The following KCND2 variants were observed in gnomAD, a reference collection of about 807,000 sequenced individuals.
KCND2 encodes A-type voltage-gated potassium channel KCND2.
In KCND2, 16 loss-of-function variants were observed where a neutral mutation model predicts 54.4. The ratio of observed to expected loss-of-function variants is 0.29; its 90% CI spans 0.20 to 0.45. The LOEUF is 0.45. Ranked by LOEUF, KCND2 falls within the 20% of genes least tolerant of loss-of-function variation. KCND2 has a pLI of 1.00. For missense variants in KCND2, 486 were observed against 824.2 expected, an observed-to-expected ratio of 0.59 and a Z score of 5.02; for synonymous variants, 317 against 310.7, an observed-to-expected ratio of 1.02 and a Z score of -0.21.
intron 1 of KCND2, among the ~76,000 whole-genome samples, chr7:120,654,483 C>T (rs1377086861): frequency 2.0e-5 from 3 of 152,156 alleles, no homozygotes; most frequent in South Asian, 4.1e-4. Flanking sequence ...GGAATGCATT[C>T]TGCAGACATA....
intron 1 of KCND2, among the ~76,000 whole-genome samples, chr7:120,473,158 T>C (rs1802483848): frequency 6.6e-6 from 1 of 152,144 alleles, no homozygotes; most frequent in African/African-American, 2.4e-5. Context: ...AAACCATGGT[T>C]CTGCGGGGCA....
chr7:120,353,367 G>T (rs1435925715), intron 1 of KCND2, among the ~76,000 whole-genome samples: 1 of 151,832 alleles, frequency 6.6e-6, no homozygotes, highest in African/African-American at 2.4e-5. Flanking sequence ...TGAGTTATAG[G>T]GAAGTTTGTT....
At chr7:120,420,572 T>C (rs1801597191) in intron 1 of KCND2, among the ~76,000 whole-genome samples, 2 of 152,066 alleles carry the variant, frequency 1.3e-5, no homozygotes, top group African/African-American at 2.4e-5. Flanking sequence ...TGCTTACTTG[T>C]CAAGAACAGT....
intron 1 of KCND2, among the ~76,000 whole-genome samples, chr7:120,684,885 C>G (rs1289735294): frequency 6.6e-6 from 1 of 152,154 alleles, no homozygotes; most frequent in African/African-American, 2.4e-5. Flanking sequence ...GTCTGATAAT[C>G]TGTCACTGTC....
chr7:120,321,930 G>T (rs567147797), intron 1 of KCND2, among the ~76,000 whole-genome samples: 1 of 152,150 alleles, frequency 6.6e-6, no homozygotes, highest in South Asian at 2.1e-4. Flanking sequence ...TCCAAGTGCA[G>T]TATGGAAGCT....
rs180916466 is a variant in KCND2 at position 120,528,995 on chromosome 7, C to T, written c.1116-203908C>T. Among the ~76,000 whole-genome samples, 3 of 152,272 alleles carry T rather than the reference C, an allele frequency of 2.0e-5. No homozygotes were observed. In the East Asian group the frequency reaches 5.8e-4, roughly 29 times the overall value. On this transcript the variant is annotated intron_variant, in intron 1 of 5. Coordinates refer to ENST00000331113, the MANE Select transcript of KCND2 (RefSeq NM_012281.3). ...AAAAGTATATCTTATGAATTGATGTCTCTTAAAAAATATTTGGACAAATTC... is the reference window on the plus strand; with the variant it reads ...AAAAGTATATCTTATGAATTGATGTTTCTTAAAAAATATTTGGACAAATTC...
At chr7:120,396,912 T>C (rs1300324000) in intron 1 of KCND2, among the ~76,000 whole-genome samples, 3 of 152,102 alleles carry the variant, frequency 2.0e-5, no homozygotes, top group Non-Finnish European at 2.9e-5. Context: ...TCTTATTTTA[T>C]CAGTATTTAA....
intron 1 of KCND2, among the ~76,000 whole-genome samples, chr7:120,491,095 A>G (rs1013483743): frequency 1.3e-5 from 2 of 152,278 alleles, no homozygotes; most frequent in South Asian, 4.1e-4. Context: ...GGAGCATTCA[A>G]TTGTACCCAA....
chr7:120,565,402 A>G (rs1330330025), intron 1 of KCND2, among the ~76,000 whole-genome samples: 1 of 152,220 alleles, frequency 6.6e-6, no homozygotes. Context: ...AGGGAAAATA[A>G]TCATTCTAGG....
chr7:120,650,689 C>T (rs1791718797), intron 1 of KCND2, among the ~76,000 whole-genome samples: 1 of 143,924 alleles, frequency 6.9e-6, no homozygotes, highest in African/African-American at 2.7e-5. Context: ...AGGACAGGCA[C>T]TCTGATTTTT....
intron 1 of KCND2, among the ~76,000 whole-genome samples, chr7:120,306,287 A>G (rs1799650690): frequency 6.6e-6 from 1 of 152,128 alleles, no homozygotes. Flanking sequence ...TTTATTTATT[A>G]GTAATCAACT....
intron 1 of KCND2, among the ~76,000 whole-genome samples, chr7:120,635,784 G>C (rs1331257660): frequency 6.6e-6 from 1 of 152,088 alleles, no homozygotes; most frequent in Non-Finnish European, 1.5e-5. Flanking sequence ...GTAGATAATT[G>C]CCAGGATAAA....
At chr7:120,693,724 G>A (rs551005153) in intron 1 of KCND2, among the ~76,000 whole-genome samples, 13 of 152,204 alleles carry the variant, frequency 8.5e-5, no homozygotes, top group African/African-American at 2.4e-4. Flanking sequence ...ACAGAATTAA[G>A]AACTGAGACA....
intron 1 of KCND2, among the ~76,000 whole-genome samples, chr7:120,491,586 A>C (rs1802780372): frequency 1.3e-5 from 2 of 152,128 alleles, no homozygotes; most frequent in Non-Finnish European, 2.9e-5. Flanking sequence ...CTGTACAGAG[A>C]ATCACAGGAA....
intron 1 of KCND2, among the ~76,000 whole-genome samples, chr7:120,564,259 G>C (rs1023459950): frequency 1.3e-5 from 2 of 152,104 alleles, no homozygotes; most frequent in Non-Finnish European, 2.9e-5. Context: ...CACAGATAAA[G>C]CTGCTTTTAC....
At chr7:120,353,131 T>A (rs1800439911) in intron 1 of KCND2, among the ~76,000 whole-genome samples, 1 of 131,772 alleles carries the variant, frequency 7.6e-6, no homozygotes, top group African/African-American at 2.8e-5. Context: ...TAAATACTTT[T>A]ACTTTTTTTT....
chr7:120,534,402 C>G (rs1015174046), intron 1 of KCND2, among the ~76,000 whole-genome samples: 2 of 152,212 alleles, frequency 1.3e-5, no homozygotes, highest in African/African-American at 4.8e-5. Context: ...AAGACAAACT[C>G]AAACTCAGGG....
rs1197836285 is a variant in KCND2 at position 120,499,143 on chromosome 7, G to T, written c.1115+223396G>T. On this transcript the variant is annotated intron_variant, in intron 1 of 5. Transcript: ENST00000331113. The stretch of plus-strand genomic sequence containing the variant: ...GCCTAACCTGTCAAGTTTCTATACT[G>T]CTAAATATTCAGGGGAAGCAAAGGG... Among the ~76,000 whole-genome samples the T allele has an allele frequency of 3.3e-5, 5 of 151,998 alleles. No homozygotes were observed. The East Asian group carries it at 9.6e-4, about 29-fold the overall frequency.
At chr7:120,677,108 A>G (rs1431722749) in intron 1 of KCND2, among the ~76,000 whole-genome samples, 1 of 152,240 alleles carries the variant, frequency 6.6e-6, no homozygotes, top group Non-Finnish European at 1.5e-5. Flanking sequence ...ATCAGTGATC[A>G]GCCTGTCAGG....
Sources: gnomAD v4.1 joint callset for allele counts (sites outside exome capture counted in the v4.1 genomes callset) on GRCh38, gnomAD v4.1.1 for gene constraint, MANE v1.5 for transcripts, NCBI Gene and HGNC (gene_info 2026-07-23, HGNC 2026-07-21) for gene names.